Variants in MRPS5 observed in about 807,000 individuals in gnomAD.
The protein encoded by MRPS5 is small ribosomal subunit protein uS5m.
Under a neutral mutation model 51.9 loss-of-function variants are expected in MRPS5, and 27 were observed. The ratio of observed to expected loss-of-function variants is 0.52; its 90% CI spans 0.38 to 0.72. The LOEUF is 0.72. MRPS5 is among the 30% of genes least tolerant of loss of function. The probability of loss-of-function intolerance (pLI) is 0.00; values close to 1 mark genes in which losing one functional copy is unlikely to be tolerated. For missense variants in MRPS5, 570 were observed against 545.7 expected (o/e 1.04, Z -0.44); for synonymous variants, 196 against 193.2 (o/e 1.01, Z -0.12).
chr2:95,106,362 C>T, intron 6 of MRPS5, 61 bp downstream of exon 6: 1 of 850,708 alleles, frequency 1.2e-6, no homozygotes, highest in Non-Finnish European at 2.0e-6. Flanking sequence ...TGCCCTGTCC[C>T]TGCCCCACCC....
rs1372067114 is a variant in MRPS5, at chr2:95,090,359, C to T, written c.1068+27G>A. On this transcript the variant is annotated intron_variant, in intron 11 of 11. Coordinates refer to ENST00000272418, the MANE Select transcript of MRPS5 (RefSeq NM_031902.5). The stretch of plus-strand genomic sequence containing the variant: ...ACAACTGAAATACAAACTAGAACCT[C>T]TGTTTCAGACCCCGGGAAAGGATTA... 4 of 1,611,268 alleles carry T rather than the reference C, an allele frequency of 2.5e-6. No individual in the cohort carries two copies. The Admixed American group carries it at 6.7e-5, about 27-fold the overall frequency.
intron 10 of MRPS5, among the ~76,000 whole-genome samples, chr2:95,099,185 T>C (rs1675722622): frequency 6.6e-6 from 1 of 151,670 alleles, no homozygotes; most frequent in Admixed American, 6.6e-5. Flanking sequence ...CTCAAAGTGC[T>C]GGTATTACAG....
At chr2:95,106,554 G>C (rs993798161) in intron 5 of MRPS5, 97 bp from the exon 6 acceptor site, 4 of 1,021,318 alleles carry the variant, frequency 3.9e-6, no homozygotes, top group Non-Finnish European at 6.2e-6. Flanking sequence ...ACCTTTCGGG[G>C]AGAAAGAATC....
In MRPS5 at chr2:95,100,844, G is replaced by A. The variant is rs924316145; in HGVS notation, c.861C>T (p.Asp287=). ...AAATAGATTATCACTCACTTGTATG[G>A]TCTTCATATCGTTCTATATAATGCA... ...HHLHYIERYE[D]HTIFHDISLR... The change falls in exon 9 of 12, where the codon GAC becomes GAT. Residue 287 remains aspartate, a synonymous_variant. Transcript: ENST00000272418. 5.6e-6 allele frequency: 9 copies of A among 1,598,800 alleles called. No individual in the cohort carries two copies. Among genetic ancestry groups the A allele is most frequent in the Non-Finnish European group, 7.7e-6 (9 of 1,175,266 alleles).
intron 10 of MRPS5, among the ~76,000 whole-genome samples, chr2:95,096,982 T>A (rs1339822599): frequency 1.3e-5 from 2 of 152,186 alleles, no homozygotes; most frequent in African/African-American, 2.4e-5. Flanking sequence ...ATAAGTAACT[T>A]CAGCAAAGTC....
chr2:95,118,597 A>G (rs879756423), intron 1 of MRPS5, among the ~76,000 whole-genome samples: 2 of 152,198 alleles, frequency 1.3e-5, no homozygotes, highest in African/African-American at 2.4e-5. Context: ...CCCTGATCCT[A>G]CAATGTTCCC....
At chr2:95,106,652 G>A in intron 5 of MRPS5, 195 bp from the exon 6 acceptor site, 2 of 604,550 alleles carry the variant, frequency 3.3e-6, no homozygotes, top group South Asian at 3.8e-5. Flanking sequence ...CATAAACTCA[G>A]TCACTGATCT....
At chr2:95,098,790 A>G (rs1675706649) in intron 10 of MRPS5, among the ~76,000 whole-genome samples, 1 of 152,192 alleles carries the variant, frequency 6.6e-6, no homozygotes. Context: ...ATACCTATGT[A>G]ACAAACCTGC....
chr2:95,095,540 G>A (rs1178000594), intron 10 of MRPS5, among the ~76,000 whole-genome samples: 3 of 152,166 alleles, frequency 2.0e-5, no homozygotes, highest in African/African-American at 7.2e-5. Context: ...TAGAACTCAG[G>A]ATTAAGAAAC....
intron 1 of MRPS5, among the ~76,000 whole-genome samples, chr2:95,118,642 C>T (rs1307306393): frequency 6.6e-6 from 1 of 152,254 alleles, no homozygotes; most frequent in Non-Finnish European, 1.5e-5. Flanking sequence ...ACCACGCTGA[C>T]TGTACTGTGT....
chr2:95,101,384 C>CA (rs34810443), intron 8 of MRPS5, among the ~76,000 whole-genome samples: 787 of 60,580 alleles, frequency 0.013, 7 homozygotes, highest in South Asian at 0.044. Flanking sequence ...GACAACGTCT[C>CA]AAAAAAAAAA....
At chr2:95,095,582 G>C (rs1277204823) in intron 10 of MRPS5, among the ~76,000 whole-genome samples, 1 of 152,174 alleles carries the variant, frequency 6.6e-6, no homozygotes, top group African/African-American at 2.4e-5. Context: ...CATGGAAACT[G>C]AACAACCTGC....
intron 10 of MRPS5, chr2:95,091,707 G>A (rs1382030756): frequency 6.6e-6 from 1 of 152,128 alleles, no homozygotes; most frequent in Non-Finnish European, 1.5e-5. Flanking sequence ...ACTTTTTATG[G>A]TCAAAAACTA....
At chr2:95,095,161 T>C (rs1229879944) in intron 10 of MRPS5, among the ~76,000 whole-genome samples, 5 of 152,170 alleles carry the variant, frequency 3.3e-5, no homozygotes, top group Non-Finnish European at 7.3e-5. Flanking sequence ...AAGGCATCAA[T>C]TCAACAAGAG....
rs1459989791 is a variant in MRPS5 at position 95,086,640 on chromosome 2, T to C, written c.*717A>G. ...AAGAGTATGCAAAGAAATAAAAATA[T>C]ATATATTCCACAGAATGGGTAAAAA... On this transcript the variant is annotated 3_prime_UTR_variant, in exon 12 of 12. Coordinates refer to ENST00000272418, the MANE Select transcript of MRPS5 (RefSeq NM_031902.5). Among the ~76,000 whole-genome samples the C allele has an allele frequency of 1.3e-5, 2 of 152,124 alleles. No homozygotes were observed. Among genetic ancestry groups the C allele is most frequent in the Non-Finnish European group, 2.9e-5 (2 of 68,028 alleles).
Position 95,106,451 on chromosome 2 carries a change from T to C in MRPS5, c.644A>G (p.Tyr215Cys), listed in dbSNP as rs778339007. The change falls in exon 6 of 12, where the codon TAT (tyrosine) becomes TGT (cysteine). Residue 215 changes from tyrosine (Y) to cysteine (C), a missense_variant. Physicochemically the swap from Tyr to Cys is radical, Grantham distance 194. Transcript: ENST00000272418. ...AAGTATCCTGGTATCAAAATCCTCA[T>C]ATGTTTCTGTAGGGAGAAAAGAAAC... ...PPDPGPCGET[Y>C]EDFDTRILEV... is the part of the protein sequence containing the mutation. 2.0e-6 allele frequency: 3 copies of C among 1,477,528 alleles called. No homozygotes were observed. In the East Asian group the frequency reaches 9.0e-5, roughly 44 times the overall value. The allele number at this position is 1,477,528 out of a possible 1,614,324, so 91.5% of individuals were successfully genotyped here.
intron 7 of MRPS5, among the ~76,000 whole-genome samples, chr2:95,102,769 G>T (rs1675840476): frequency 1.3e-5 from 2 of 152,182 alleles, no homozygotes; most frequent in African/African-American, 4.8e-5. Flanking sequence ...AATTAGCCAG[G>T]AAACCAAATC....
At chr2:95,106,958 A>C (rs1675968330) in intron 5 of MRPS5, among the ~76,000 whole-genome samples, 1 of 152,116 alleles carries the variant, frequency 6.6e-6, no homozygotes, top group Non-Finnish European at 1.5e-5. Flanking sequence ...AAAATCCATG[A>C]GCCCCAATTC....
chr2:95,101,074 A>G (rs1382517402), intron 8 of MRPS5, among the ~76,000 whole-genome samples, 180 bp from the exon 9 acceptor site: 1 of 152,098 alleles, frequency 6.6e-6, no homozygotes, highest in Non-Finnish European at 1.5e-5. Context: ...TATCACTATC[A>G]CCCCTAAAAA....
Sources: allele counts gnomAD v4.1 joint callset (sites outside exome capture counted in the v4.1 genomes callset), GRCh38; gene constraint gnomAD v4.1.1; transcripts MANE v1.5; gene names NCBI Gene and HGNC (gene_info 2026-07-23, HGNC 2026-07-21).